RERE: variants seen among roughly 807,000 people sequenced by gnomAD.
The protein encoded by RERE is arginine-glutamic acid dipeptide repeats.
A neutral mutation model predicts 146.1 loss-of-function variants in RERE; 40 were observed. The ratio of observed to expected loss-of-function variants is 0.27; its 90% CI spans 0.21 to 0.36. The LOEUF (loss-of-function observed/expected upper bound fraction) is 0.36, where lower values mean the gene tolerates loss of function less well. Among genes scored for constraint, RERE ranks in the 10% least tolerant of loss-of-function variants. The probability of loss-of-function intolerance (pLI) is 1.00; values close to 1 mark genes in which losing one functional copy is unlikely to be tolerated. For missense variants in RERE, 1,933 were observed against 2,138.7 expected (o/e 0.90, Z 1.90); for synonymous variants, 1,003 against 866.0 (o/e 1.16, Z -2.78).
chr1:8,575,557 A>AT (rs1277612313), intron 4 of RERE, among the ~76,000 whole-genome samples: 10 of 57,058 alleles, frequency 1.8e-4, no homozygotes, highest in African/African-American at 3.8e-4. Flanking sequence ...ATATATATAT[A>AT]TATATTTTTT....
chr1:8,768,888 GAGA>G (rs1346476348), intron 1 of RERE, among the ~76,000 whole-genome samples: 2 of 152,218 alleles, frequency 1.3e-5, no homozygotes, highest in Non-Finnish European at 2.9e-5. Flanking sequence ...CGTGTACTTA[GAGA>G]AGGAGTTCAT....
intron 10 of RERE, among the ~76,000 whole-genome samples, chr1:8,484,428 C>CTTT (rs35564949): frequency 2.1e-5 from 3 of 143,290 alleles, no homozygotes; most frequent in East Asian, 2.0e-4. Flanking sequence ...ACAAATAAAA[C>CTTT]TTTTTTTTTT....
Position 8,423,699 on chromosome 1 carries a change from GCTCGGCGTGTGAC to G in RERE, c.1204-905_1204-893del. 2.0e-6 allele frequency: 2 copies of G among 982,298 alleles called. No homozygotes were observed. Among genetic ancestry groups the G allele is most frequent in the Non-Finnish European group, 2.4e-6 (2 of 828,928 alleles). The allele number at this position is 982,298 out of a possible 1,614,324, so 60.8% of individuals were successfully genotyped here. A position where few individuals can be genotyped will look rare whatever the true frequency, so the allele number is the denominator to read the frequency against. Reference sequence around the variant, plus strand: ...CGCAGGGCGGAGGCGGCCGCGGGTGGCTCGGCGTGTGACCGCGGCGGGGCCGCGCGGCGCGGGG... The same window carrying G: ...CGCAGGGCGGAGGCGGCCGCGGGTGGCGCGGCGGGGCCGCGCGGCGCGGGG... On this transcript the variant is annotated intron_variant, in intron 11 of 22. Coordinates refer to ENST00000400908, the MANE Select transcript of RERE (RefSeq NM_001042681.2). This position sits in a 1 kb window ranked among gnomAD's most constrained non-coding sequence, Gnocchi z 5.4.
At chr1:8,766,165 G>C (rs1193760654) in intron 1 of RERE, among the ~76,000 whole-genome samples, 1 of 152,120 alleles carries the variant, frequency 6.6e-6, no homozygotes, top group African/African-American at 2.4e-5. Context: ...GACTACAGCA[G>C]TGAAGAACAA....
chr1:8,364,625 C>A lies in RERE; in HGVS notation c.1540+121G>T, dbSNP rs1641726866. 9.5e-6 allele frequency: 7 copies of A among 735,650 alleles called. No individual in the cohort carries two copies. Among genetic ancestry groups the A allele is most frequent in the Admixed American group, 6.3e-5 (3 of 47,568 alleles). The allele number at this position is 735,650 out of a possible 1,614,324, so 45.6% of individuals were successfully genotyped here. On this transcript the variant is annotated intron_variant, in intron 14 of 22. Coordinates refer to ENST00000400908, the MANE Select transcript of RERE (RefSeq NM_001042681.2). This position sits in a 1 kb window ranked among gnomAD's most constrained non-coding sequence, Gnocchi z 5.1. ...TCTAACTTTCTCGAATCCCGAAGCA[C>A]AATGCAAATGTCAAATCAAGTACTG...
At chr1:8,409,824 A>C (rs1379595281) in intron 12 of RERE, among the ~76,000 whole-genome samples, 1 of 152,156 alleles carries the variant, frequency 6.6e-6, no homozygotes, top group Non-Finnish European at 1.5e-5. Flanking sequence ...ATCAAAGCTA[A>C]TGGTCCCTCT....
chr1:8,673,244 C>G (rs959899293), intron 1 of RERE, among the ~76,000 whole-genome samples: 1 of 152,048 alleles, frequency 6.6e-6, no homozygotes, highest in African/African-American at 2.4e-5. Flanking sequence ...TACAGGTGCC[C>G]GCCACCACAC....
intron 1 of RERE, among the ~76,000 whole-genome samples, chr1:8,812,384 C>T (rs565481507): frequency 7.9e-5 from 12 of 152,176 alleles, no homozygotes; most frequent in African/African-American, 2.2e-4. Flanking sequence ...CAGTGGCTCA[C>T]GCCTGTAATC....
intron 1 of RERE, among the ~76,000 whole-genome samples, chr1:8,789,301 A>AAAAAATAT: frequency 4.0e-5 from 1 of 24,826 alleles, no homozygotes; most frequent in African/African-American, 2.3e-4. Context: ...AAAAAAAAAA[A>AAAAAATAT]ATATATATAT....
intron 1 of RERE, among the ~76,000 whole-genome samples, chr1:8,784,858 T>C (rs1641232684): frequency 1.3e-5 from 2 of 152,194 alleles, no homozygotes; most frequent in South Asian, 2.1e-4. Context: ...TACAATTTAA[T>C]GGCTTGAGAA....
intron 1 of RERE, among the ~76,000 whole-genome samples, chr1:8,813,342 A>T (rs1212902479): frequency 1.3e-5 from 2 of 152,218 alleles, no homozygotes; most frequent in African/African-American, 4.8e-5. Context: ...GTAGCTTAGT[A>T]GGAAAGCATA....
At chr1:8,557,335 A>T in intron 5 of RERE, 83 bp downstream of exon 5, 5 of 937,750 alleles carry the variant, frequency 5.3e-6, no homozygotes, top group Admixed American at 3.8e-5. Flanking sequence ...TCAAAAAGTT[A>T]TCTTCATTTA....
chr1:8,585,055 G>A (rs556003997), intron 4 of RERE, among the ~76,000 whole-genome samples: 42 of 151,528 alleles, frequency 2.8e-4, no homozygotes, highest in African/African-American at 9.2e-4. Context: ...GGCTGAGGTA[G>A]GAGGATCACT....
chr1:8,736,931 A>T (rs997276594), intron 1 of RERE, among the ~76,000 whole-genome samples: 4 of 151,750 alleles, frequency 2.6e-5, no homozygotes, highest in Admixed American at 6.6e-5. Flanking sequence ...TCCTTCTTAT[A>T]TAATTCCCAG....
intron 1 of RERE, among the ~76,000 whole-genome samples, chr1:8,702,324 G>A (rs953007974): frequency 6.6e-6 from 1 of 152,126 alleles, no homozygotes; most frequent in African/African-American, 2.4e-5. Context: ...GACGCTTAAG[G>A]GCTGCAAGTA....
At chr1:8,672,471 G>GTA (rs1638739953) in intron 1 of RERE, among the ~76,000 whole-genome samples, 1 of 152,186 alleles carries the variant, frequency 6.6e-6, no homozygotes, top group South Asian at 2.1e-4. Context: ...ACCATGCTCA[G>GTA]CCTGGAAATC....
chr1:8,501,206 T>G (rs1390238458), intron 8 of RERE, among the ~76,000 whole-genome samples: 30 of 96,240 alleles, frequency 3.1e-4, no homozygotes, highest in African/African-American at 5.4e-4. Flanking sequence ...GGGAGGGAGG[T>G]GGGGGGGTCA....
intron 1 of RERE, among the ~76,000 whole-genome samples, chr1:8,769,426 C>T (rs775798708): frequency 2.6e-5 from 4 of 152,078 alleles, no homozygotes; most frequent in Admixed American, 6.5e-5. Context: ...CACTGAATTC[C>T]GAACCATTTT....
Position 8,365,851 on chromosome 1 carries a change from G to A in RERE, c.1408C>T (p.Pro470Ser), listed in dbSNP as rs752220991. 4 of 1,614,166 alleles carry A rather than the reference G, an allele frequency of 2.5e-6. No individual in the cohort carries two copies. The South Asian group carries it at 4.4e-5, about 18-fold the overall frequency. The change falls in exon 13 of 23, where the codon CCC becomes TCC. Residue 470 changes from proline to serine, a missense_variant. By Grantham distance (74) the Pro-to-Ser change is moderately conservative (BLOSUM62 -1). Coordinates refer to ENST00000400908, the MANE Select transcript of RERE (RefSeq NM_001042681.2). ...GGGGGTCTGGAGGGTGTGTTGACGG[G>A]TGTGGACGCGGTGCGAGTCTTAATC... ...RRIKTRTAST[P>S]VNTPSRPPSS...
Sources: allele counts gnomAD v4.1 joint callset (sites outside exome capture counted in the v4.1 genomes callset), GRCh38; gene constraint gnomAD v4.1.1; non-coding constraint Gnocchi (gnomAD v3.1); transcripts MANE v1.5; gene names NCBI Gene and HGNC (gene_info 2026-07-23, HGNC 2026-07-21).